Variants in DNMT3A observed in about 807,000 individuals in gnomAD.
DNMT3A encodes the protein DNA (cytosine-5)-methyltransferase 3A.
In DNMT3A, 267 loss-of-function variants were observed where a neutral mutation model predicts 117.6. The observed-to-expected ratio is 2.27, with a 90% CI of 2.05 to 2.51. The LOEUF (loss-of-function observed/expected upper bound fraction) is 2.51. Ranked by LOEUF, DNMT3A falls within the 30% of genes most tolerant of loss-of-function variation. The probability of loss-of-function intolerance (pLI) is 0.00; values close to 1 mark genes in which losing one functional copy is unlikely to be tolerated. For synonymous variants in DNMT3A, 432 were observed against 474.8 expected (o/e 0.91, Z 1.17); for missense variants, 1,029 against 1,260.2 (o/e 0.82, Z 2.78).
In DNMT3A at chr2:25,298,089, G is replaced by A. The variant is rs1183041233; in HGVS notation, c.177+2050C>T. Among the ~76,000 whole-genome samples, 11 of 152,236 alleles carry A rather than the reference G, an allele frequency of 7.2e-5. No homozygotes were observed. The highest frequency in any genetic ancestry group is 2.4e-5 in the African/African-American group (1 of 41,464). ...CTTGCACCATTTCGTTCTCACAGGG[G>A]CAAGGAGAAATGCATCCTTTTCTCC... is the stretch of plus-strand genomic sequence containing the variant. On this transcript the variant is annotated intron_variant, in intron 3 of 22. Transcript: ENST00000321117. This position sits in a 1 kb window ranked among gnomAD's most constrained non-coding sequence, Gnocchi z 4.3.
In DNMT3A at chr2:25,234,877, G is replaced by A. The variant is rs1029069728; in HGVS notation, c.2598-457C>T. 6.6e-5 allele frequency among the ~76,000 whole-genome samples: 10 copies of A among 152,114 alleles called. No individual in the cohort carries two copies. The highest frequency in any genetic ancestry group is 2.2e-4 in the African/African-American group (9 of 41,422). On this transcript the variant is annotated intron_variant, in intron 22 of 22. Coordinates refer to ENST00000321117, the MANE Select transcript of DNMT3A (RefSeq NM_022552.5). This position sits in a 1 kb window ranked among gnomAD's most constrained non-coding sequence, Gnocchi z 4.5. ...GAGCAGGGAAGGCGAAAAAGGAGCC[G>A]AACTCCTGCCTGACTTCAGAAGCTG...
chr2:25,248,788 T>C (rs1024750330), intron 6 of DNMT3A, among the ~76,000 whole-genome samples: 49 of 152,208 alleles, frequency 3.2e-4, no homozygotes, highest in African/African-American at 1.1e-3. Flanking sequence ...CCTCAGGTGA[T>C]TTGCCCGCCT....
At chr2:25,308,056 C>G (rs2033877637) in intron 2 of DNMT3A, among the ~76,000 whole-genome samples, 1 of 152,154 alleles carries the variant, frequency 6.6e-6, no homozygotes, top group Admixed American at 6.6e-5. Flanking sequence ...GTGCTAGGCT[C>G]TCAGTGGACT....
intron 1 of DNMT3A, among the ~76,000 whole-genome samples, chr2:25,325,576 G>C (rs1351021505): frequency 6.6e-6 from 1 of 152,240 alleles, no homozygotes; most frequent in East Asian, 1.9e-4. Flanking sequence ...TTCTGGGGAT[G>C]CTGACCTCGT....
At chr2:25,283,587 C>A (rs1038599887) in intron 3 of DNMT3A, among the ~76,000 whole-genome samples, 3 of 152,156 alleles carry the variant, frequency 2.0e-5, no homozygotes, top group African/African-American at 7.2e-5. Context: ...GTAGCCTTCT[C>A]CCCTGGCCTG....
intron 12 of DNMT3A, among the ~76,000 whole-genome samples, chr2:25,245,695 G>A (rs992593742): frequency 1.3e-5 from 2 of 152,220 alleles, no homozygotes; most frequent in African/African-American, 4.8e-5. Context: ...CCAGCACCAG[G>A]CTGAGGGCGA....
At chr2:25,308,131 G>T (rs1038238539) in intron 2 of DNMT3A, among the ~76,000 whole-genome samples, 2 of 152,178 alleles carry the variant, frequency 1.3e-5, no homozygotes, top group African/African-American at 4.8e-5. Context: ...GCAATTCATG[G>T]GGCGGCAGTG....
intron 6 of DNMT3A, among the ~76,000 whole-genome samples, chr2:25,259,567 G>A (rs1186874257): frequency 6.6e-6 from 1 of 152,152 alleles, no homozygotes; most frequent in East Asian, 1.9e-4. Context: ...GAGAGGTGAG[G>A]GACTTCATGA....
rs1241189843 is a variant in DNMT3A at position 25,294,077 on chromosome 2, C to T, written c.177+6062G>A. 6.6e-6 allele frequency among the ~76,000 whole-genome samples: 1 copy of T among 152,238 alleles called. No homozygotes were observed. The highest frequency in any genetic ancestry group is 2.4e-5 in the African/African-American group (1 of 41,462). On this transcript the variant is annotated intron_variant, in intron 3 of 22. Coordinates refer to ENST00000321117, the MANE Select transcript of DNMT3A (RefSeq NM_022552.5). This position sits in a 1 kb window ranked among gnomAD's most constrained non-coding sequence, Gnocchi z 4.7. ...CCCACACTCACCCTGCCCTGCATGCCTTCCTTCCTCCACACCCAGCTCAGC... is the reference window on the plus strand; with the variant it reads ...CCCACACTCACCCTGCCCTGCATGCTTTCCTTCCTCCACACCCAGCTCAGC...
At chr2:25,270,786 G>A (rs976173183) in intron 6 of DNMT3A, among the ~76,000 whole-genome samples, 3 of 152,178 alleles carry the variant, frequency 2.0e-5, no homozygotes, top group African/African-American at 7.2e-5. Flanking sequence ...GTTTCAGAAG[G>A]GCTCAAATGT....
intron 16 of DNMT3A, 125 bp downstream of exon 16, chr2:25,243,773 C>A: frequency 9.2e-7 from 1 of 1,090,360 alleles, no homozygotes; most frequent in Non-Finnish European, 1.4e-6. Flanking sequence ...CAAGCTTCCC[C>A]TTTGGGATAA....
At chr2:25,275,139 A>G in intron 5 of DNMT3A, 52 bp from the exon 6 acceptor site, 2 of 1,501,934 alleles carry the variant, frequency 1.3e-6, no homozygotes, top group Non-Finnish European at 1.8e-6. Flanking sequence ...TGACGGACCC[A>G]CCAAGGAGGC....
rs529700341 is a variant in DNMT3A, at chr2:25,285,184, C to T, written c.178-2473G>A. Among the ~76,000 whole-genome samples, 15 of 152,340 alleles carry T rather than the reference C, an allele frequency of 9.8e-5. 1 individual carries two copies. The highest frequency in any genetic ancestry group is 2.6e-4 in the African/African-American group (11 of 41,586). ...CTGCCAAATTCCCTCCAGAGTTTCC[C>T]ACCACTCAAGTGCACAGCCTGAGAC... On this transcript the variant is annotated intron_variant, in intron 3 of 22. Coordinates refer to ENST00000321117, the MANE Select transcript of DNMT3A (RefSeq NM_022552.5).
At chr2:25,249,946 CA>C (rs1675309003) in intron 6 of DNMT3A, among the ~76,000 whole-genome samples, 1 of 152,202 alleles carries the variant, frequency 6.6e-6, no homozygotes, top group African/African-American at 2.4e-5. Flanking sequence ...AGAGGATGAG[CA>C]AGCAACCTGG....
In DNMT3A at chr2:25,247,395, G is replaced by A; in HGVS notation, c.1014+196C>T. 3 of 928,010 alleles carry A rather than the reference G, an allele frequency of 3.2e-6. No homozygotes were observed. Among genetic ancestry groups the A allele is most frequent in the Non-Finnish European group, 4.8e-6 (3 of 630,642 alleles). The allele number at this position is 928,010 out of a possible 1,614,324, so 57.5% of individuals were successfully genotyped here. On this transcript the variant is annotated intron_variant, in intron 8 of 22. Transcript: ENST00000321117. This position sits in a 1 kb window ranked among gnomAD's most constrained non-coding sequence, Gnocchi z 5.6. ...TAGGTTCCTGGAAGGCTAAAACTGGGCCAGCATCCTAGCTCTCTGAGCCAC... is the reference window on the plus strand; with the variant it reads ...TAGGTTCCTGGAAGGCTAAAACTGGACCAGCATCCTAGCTCTCTGAGCCAC...
chr2:25,252,049 T>G lies in DNMT3A; in HGVS notation c.640-3797A>C. 9.1e-7 allele frequency: 1 copy of G among 1,093,766 alleles called. No individual in the cohort carries two copies. The highest frequency in any genetic ancestry group is 1.6e-5 in the South Asian group (1 of 61,722). 67.8% of individuals were successfully genotyped at this position (1,093,766 alleles called of 1,614,324 possible). ...AGCACTAAGTCAGCATCTCCAGAAC[T>G]CGGGCCAGGCCGGGACGCCGCGGCT... is the stretch of plus-strand genomic sequence containing the variant. On this transcript the variant is annotated intron_variant, in intron 6 of 22. Coordinates refer to ENST00000321117, the MANE Select transcript of DNMT3A (RefSeq NM_022552.5). This position sits in a 1 kb window ranked among gnomAD's most constrained non-coding sequence, Gnocchi z 5.5.
chr2:25,287,189 A>G (rs2032371450), intron 3 of DNMT3A, among the ~76,000 whole-genome samples: 1 of 152,044 alleles, frequency 6.6e-6, no homozygotes, highest in African/African-American at 2.4e-5. Flanking sequence ...CATGTTGCCC[A>G]TTATCTGGGA....
At chr2:25,285,348 T>C (rs1573426466) in intron 3 of DNMT3A, among the ~76,000 whole-genome samples, 1 of 152,184 alleles carries the variant, frequency 6.6e-6, no homozygotes, top group Non-Finnish European at 1.5e-5. Flanking sequence ...ACAAGGGCCT[T>C]GGGAAAACAA....
chr2:25,261,800 T>C (rs1420390709), intron 6 of DNMT3A, among the ~76,000 whole-genome samples: 1 of 152,018 alleles, frequency 6.6e-6, no homozygotes, highest in East Asian at 1.9e-4. Context: ...CCTATCCTGG[T>C]CCTCTCCTAG....
Sources: gnomAD v4.1 joint callset for allele counts (sites outside exome capture counted in the v4.1 genomes callset) on GRCh38, gnomAD v4.1.1 for gene constraint, Gnocchi (gnomAD v3.1) non-coding constraint, MANE v1.5 for transcripts, NCBI Gene and HGNC (gene_info 2026-07-23, HGNC 2026-07-21) for gene names.